RBFOX2: variants seen among roughly 807,000 people sequenced by gnomAD.
RBFOX2 encodes the protein RNA binding fox-1 homolog 2.
In RBFOX2, 10 loss-of-function variants were observed where a neutral mutation model predicts 49.1. The ratio of observed to expected loss-of-function variants is 0.20; its 90% CI spans 0.13 to 0.35. The LOEUF (loss-of-function observed/expected upper bound fraction) is 0.35. RBFOX2 is among the 10% of genes least tolerant of loss of function. The pLI is 1.00. For missense variants in RBFOX2, 323 were observed against 486.9 expected, an observed-to-expected ratio of 0.66 and a Z score of 3.17; for synonymous variants, 183 against 187.4, an observed-to-expected ratio of 0.98 and a Z score of 0.19.
At chr22:35,791,093 G>GAAA (rs1329036644) in intron 2 of RBFOX2, among the ~76,000 whole-genome samples, 1 of 151,902 alleles carries the variant, frequency 6.6e-6, no homozygotes, top group Non-Finnish European at 1.5e-5. Context: ...TTTTAAAAAA[G>GAAA]AAAAAAGTAG....
At chr22:35,747,567 G>C (rs1433437393) in intron 9 of RBFOX2, 1 of 152,190 alleles carries the variant, frequency 6.6e-6, no homozygotes, top group Non-Finnish European at 1.5e-5. Context: ...AGCATTTCAA[G>C]AGACAATCAC....
chr22:35,835,764 G>A (rs914388445), intron 1 of RBFOX2, among the ~76,000 whole-genome samples: 3 of 152,078 alleles, frequency 2.0e-5, no homozygotes, highest in Admixed American at 1.3e-4. Context: ...AAGATTGCTC[G>A]GATTTCATCA....
rs547205287 is a variant in RBFOX2, at chr22:35,992,894, C to G, written c.186+35346G>C. 3.3e-5 allele frequency: 5 copies of G among 152,292 alleles called. No homozygotes were observed. The East Asian group carries it at 9.7e-4, about 29-fold the overall frequency. The allele number at this position is 152,292 out of a possible 1,614,324, so 9.4% of individuals were successfully genotyped here. On this transcript the variant is annotated intron_variant, in intron 1 of 13. Coordinates refer to the RBFOX2 transcript ENST00000438146. ...CTCGTATGTAAATGAACTCCCCTCC[C>G]TTTCCCTACTTGGAGGCAGAAAACA...
chr22:35,790,038 C>G (rs1947290059), intron 2 of RBFOX2, among the ~76,000 whole-genome samples: 2 of 152,174 alleles, frequency 1.3e-5, no homozygotes, highest in Admixed American at 1.3e-4. Context: ...GTCTTCCAAT[C>G]TTCTAACTGA....
At chr22:35,896,819 T>C (rs938896169) in intron 1 of RBFOX2, among the ~76,000 whole-genome samples, 9 of 152,158 alleles carry the variant, frequency 5.9e-5, no homozygotes, top group Admixed American at 2.0e-4. Context: ...ACTACATTTC[T>C]AGTACAAAAG....
chr22:35,756,521 G>A (rs1569254290), intron 9 of RBFOX2, among the ~76,000 whole-genome samples: 1 of 152,118 alleles, frequency 6.6e-6, no homozygotes, highest in Non-Finnish European at 1.5e-5. Context: ...GCCCTAGGAG[G>A]AAGTTTCTTT....
chr22:35,871,655 C>T lies in RBFOX2; in HGVS notation c.-33-61651G>A, dbSNP rs114680876. The stretch of plus-strand genomic sequence containing the variant: ...TTTCCTAGCCACATGGAAAGGAATA[C>T]CATCAAACTCAAAGCAAAAAAGGAA... On this transcript the variant is annotated intron_variant, in intron 1 of 13. Transcript: ENST00000359369. Among the ~76,000 whole-genome samples the T allele has an allele frequency of 5.3e-3, 803 of 152,158 alleles. 6 individuals are homozygous for T. Among genetic ancestry groups the T allele is most frequent in the African/African-American group, 0.019 (780 of 41,496 alleles).
At chr22:35,967,340 C>T (rs1466618687) in intron 1 of RBFOX2, among the ~76,000 whole-genome samples, 5 of 151,056 alleles carry the variant, frequency 3.3e-5, no homozygotes, top group Admixed American at 6.6e-5. Flanking sequence ...GCTGTGCCAC[C>T]GCACTCTAGC....
At chr22:35,964,870 C>T (rs1394626373), upstream of RBFOX2, among the ~76,000 whole-genome samples, 1 of 152,098 alleles carries the variant, frequency 6.6e-6, no homozygotes, top group African/African-American at 2.4e-5. Flanking sequence ...AAACAATCAC[C>T]TTTTCTGGAA....
intron 6 of RBFOX2, among the ~76,000 whole-genome samples, chr22:35,764,268 T>C (rs981542652): frequency 2.0e-5 from 3 of 152,180 alleles, no homozygotes; most frequent in South Asian, 4.1e-4. Context: ...AGCCATACTC[T>C]AGCAGTGGGT....
intron 1 of RBFOX2, chr22:35,822,007 C>T: frequency 1.9e-6 from 1 of 516,246 alleles, no homozygotes; most frequent in South Asian, 1.4e-5. Flanking sequence ...TCCAGTAAAA[C>T]CAAGCAATCA....
chr22:35,836,453 A>C (rs1331148429), intron 1 of RBFOX2: 2 of 152,314 alleles, frequency 1.3e-5, no homozygotes, highest in Non-Finnish European at 2.9e-5. Context: ...CAAAGAGGGG[A>C]GATAGCAGAC....
At chr22:35,766,537 C>T (rs1209241349) in intron 5 of RBFOX2, among the ~76,000 whole-genome samples, 1 of 151,986 alleles carries the variant, frequency 6.6e-6, no homozygotes, top group Non-Finnish European at 1.5e-5. Context: ...GATAATCCCC[C>T]ATATGAGGAA....
At position 35,811,265 on chromosome 22, in the gene RBFOX2, C is replaced by G. The variant is rs146255637; in HGVS notation, c.28-1261G>C. On this transcript the variant is annotated intron_variant, in intron 1 of 11. Coordinates refer to ENST00000405409, the Ensembl canonical transcript of RBFOX2. Reference sequence around the variant, plus strand: ...GACTGAGTTGTGCTCAGTCTCCAACCCGTATGTTGAAGTTCTAACCCTCAG... The same window carrying G: ...GACTGAGTTGTGCTCAGTCTCCAACGCGTATGTTGAAGTTCTAACCCTCAG... Among the ~76,000 whole-genome samples, 43 of 152,276 alleles carry G rather than the reference C, an allele frequency of 2.8e-4. No individual in the cohort carries two copies. In the East Asian group the frequency reaches 6.9e-3, roughly 25 times the overall value.
intron 2 of RBFOX2, among the ~76,000 whole-genome samples, chr22:35,808,158 G>A (rs1402376124): frequency 6.6e-6 from 1 of 151,764 alleles, no homozygotes; most frequent in Non-Finnish European, 1.5e-5. Flanking sequence ...ATTCTGATAG[G>A]TCTGTGAGTT....
chr22:35,981,515 G>A (rs576587747), intron 1 of RBFOX2, among the ~76,000 whole-genome samples: 1 of 151,926 alleles, frequency 6.6e-6, no homozygotes, highest in African/African-American at 2.4e-5. Context: ...GGTGGTGCCC[G>A]CCTGTGGTCA....
intron 1 of RBFOX2, chr22:35,998,085 T>C (rs1603464275): frequency 6.6e-6 from 1 of 152,102 alleles, no homozygotes; most frequent in Non-Finnish European, 1.5e-5. Flanking sequence ...ACATTTTGCA[T>C]CTCCCTCTTT....
At chr22:35,895,565 G>C (rs1481358205) in intron 1 of RBFOX2, among the ~76,000 whole-genome samples, 2 of 152,128 alleles carry the variant, frequency 1.3e-5, no homozygotes, top group Non-Finnish European at 2.9e-5. Flanking sequence ...ATATAAAACT[G>C]AATAGGCTTT....
At chr22:36,019,596 CAG>C (rs1247843681) in intron 1 of RBFOX2, among the ~76,000 whole-genome samples, 1 of 152,192 alleles carries the variant, frequency 6.6e-6, no homozygotes, top group African/African-American at 2.4e-5. Context: ...AGCAGGAGCT[CAG>C]AGATGTTGAA....
Sources: gnomAD v4.1 joint callset for allele counts (sites outside exome capture counted in the v4.1 genomes callset) on GRCh38, gnomAD v4.1.1 for gene constraint, MANE v1.5 for transcripts, NCBI Gene and HGNC (gene_info 2026-07-23, HGNC 2026-07-21) for gene names.